Variants in CYFIP2 observed in about 807,000 individuals in gnomAD.
CYFIP2 encodes cytoplasmic FMR1 interacting protein 2.
CYFIP2 carries 29 observed loss-of-function variants against 158.7 expected under a neutral mutation model. That is an observed-to-expected ratio of 0.18 (90% CI 0.14 to 0.25). The LOEUF is 0.25. Ranked by LOEUF, CYFIP2 falls within the 10% of genes least tolerant of loss-of-function variation. The probability of loss-of-function intolerance (pLI) is 1.00; values close to 1 mark genes in which losing one functional copy is unlikely to be tolerated. For missense variants in CYFIP2, 852 were observed against 1,639.5 expected, an observed-to-expected ratio of 0.52 and a Z score of 8.29; for synonymous variants, 585 against 617.6, an observed-to-expected ratio of 0.95 and a Z score of 0.78.
In CYFIP2 at chr5:157,326,407, G is replaced by A. The variant is rs967327807; in HGVS notation, c.2079+140G>A. 5 of 734,752 alleles carry A rather than the reference G, an allele frequency of 6.8e-6. No homozygotes were observed. In the African/African-American group the frequency reaches 7.0e-5, roughly 10 times the overall value. 45.5% of individuals were successfully genotyped at this position (734,752 alleles called of 1,614,324 possible). ...TCTCTGTAACCATGGCCATCAGAAGGCCTGTGTAACCTCTGAGGGCAGAAG... is the reference window on the plus strand; with the variant it reads ...TCTCTGTAACCATGGCCATCAGAAGACCTGTGTAACCTCTGAGGGCAGAAG... On this transcript the variant is annotated intron_variant, in intron 18 of 30. Coordinates refer to ENST00000620254, the MANE Select transcript of CYFIP2 (RefSeq NM_001037333.3).
At chr5:157,322,934 T>C (rs1760722820) in intron 15 of CYFIP2, 2 of 1,535,882 alleles carry the variant, frequency 1.3e-6, no homozygotes, top group East Asian at 4.9e-5. Context: ...CTCCTATCTA[T>C]GTCTTAGGCC....
At chr5:157,282,102 A>G (rs1270777961) in intron 1 of CYFIP2, among the ~76,000 whole-genome samples, 2 of 152,210 alleles carry the variant, frequency 1.3e-5, no homozygotes, top group African/African-American at 4.8e-5. Context: ...TTGCACTGCT[A>G]TAAAGAAATA....
rs1439960066 is a variant in CYFIP2, at chr5:157,311,070, G to A, written c.993-594G>A. The A allele has an allele frequency of 4.6e-6, 2 of 431,902 alleles. No individual in the cohort carries two copies. Among genetic ancestry groups the A allele is most frequent in the African/African-American group, 4.5e-5 (2 of 44,186 alleles). The allele number at this position is 431,902 out of a possible 1,614,324, so 26.8% of individuals were successfully genotyped here. On this transcript the variant is annotated intron_variant, in intron 10 of 30. Coordinates refer to ENST00000620254, the MANE Select transcript of CYFIP2 (RefSeq NM_001037333.3). The surrounding 1 kb of genome is among the most constrained non-coding windows in gnomAD (Gnocchi z 4.7). ...GCGGAGGGAAGGAGGAAAGAGGGTG[G>A]AAAGAGAAGGAGAGAAGGGGGCGAG...
At chr5:157,306,106 C>T (rs912405791) in intron 8 of CYFIP2, among the ~76,000 whole-genome samples, 1 of 152,210 alleles carries the variant, frequency 6.6e-6, no homozygotes, top group African/African-American at 2.4e-5. Flanking sequence ...TGTCCCAGAT[C>T]CTCACCTCTC....
intron 23 of CYFIP2, among the ~76,000 whole-genome samples, chr5:157,348,505 G>A (rs375533291): frequency 2.6e-5 from 4 of 152,224 alleles, no homozygotes; most frequent in East Asian, 3.9e-4. Flanking sequence ...TCTGCCTCCC[G>A]GGTTCCAGTG....
intron 7 of CYFIP2, 148 bp from the exon 8 acceptor site, chr5:157,304,090 C>G: frequency 1.0e-6 from 1 of 971,630 alleles, no homozygotes; most frequent in Non-Finnish European, 1.5e-6. Flanking sequence ...CATCAGGTGC[C>G]AGCTGGCATG....
intron 15 of CYFIP2, among the ~76,000 whole-genome samples, chr5:157,322,202 C>T (rs1760652963): frequency 6.6e-6 from 1 of 152,152 alleles, no homozygotes; most frequent in Non-Finnish European, 1.5e-5. Context: ...CTCCCCCTCT[C>T]TTGCGGATGG....
intron 1 of CYFIP2, among the ~76,000 whole-genome samples, chr5:157,273,924 C>T (rs1756322983): frequency 1.3e-5 from 2 of 152,178 alleles, no homozygotes; most frequent in South Asian, 2.1e-4. Context: ...CACCTGAGGT[C>T]AGGAGTTTGA....
chr5:157,386,753 C>T (rs1290295758), intron 28 of CYFIP2, among the ~76,000 whole-genome samples: 1 of 152,064 alleles, frequency 6.6e-6, no homozygotes, highest in Admixed American at 6.5e-5. Flanking sequence ...AACCCCATCT[C>T]TACTAAAAAT....
At chr5:157,287,178 C>T (rs1052078915) in intron 3 of CYFIP2, 70 bp downstream of exon 3, 9 of 1,251,864 alleles carry the variant, frequency 7.2e-6, no homozygotes, top group Admixed American at 3.6e-5. Flanking sequence ...GGCAGCTTCT[C>T]ACACCAGAGG....
chr5:157,355,457 A>G (rs1480521066), intron 23 of CYFIP2, among the ~76,000 whole-genome samples: 1 of 152,222 alleles, frequency 6.6e-6, no homozygotes, highest in African/African-American at 2.4e-5. Context: ...TTAAACCTCA[A>G]ACAACCCTAT....
intron 26 of CYFIP2, chr5:157,365,347 TA>T (rs926641444): frequency 4.6e-5 from 7 of 152,204 alleles, no homozygotes; most frequent in African/African-American, 1.4e-4. Flanking sequence ...TGCCTTTTTT[TA>T]AAAAACAGAT....
At chr5:157,342,806 G>A (rs911628481) in intron 23 of CYFIP2, 12 of 1,512,432 alleles carry the variant, frequency 7.9e-6, no homozygotes, top group Admixed American at 4.0e-5. Flanking sequence ...TTGTACAAAC[G>A]ACCTACTGTG....
chr5:157,278,784 T>C (rs1756762224), intron 1 of CYFIP2, among the ~76,000 whole-genome samples: 1 of 152,214 alleles, frequency 6.6e-6, no homozygotes, highest in African/African-American at 2.4e-5. Context: ...GGGAGGCCAT[T>C]GTTTAAGACT....
rs575006908 is a variant in CYFIP2 at position 157,361,688 on chromosome 5, T to A, written c.3039+90T>A. The A allele has an allele frequency of 2.6e-6, 4 of 1,522,700 alleles. No homozygotes were observed. In the South Asian group the frequency reaches 4.7e-5, roughly 18 times the overall value. The allele number at this position is 1,522,700 out of a possible 1,614,324, so 94.3% of individuals were successfully genotyped here. A position where few individuals can be genotyped will look rare whatever the true frequency, so the allele number is the denominator to read the frequency against. On this transcript the variant is annotated intron_variant, in intron 26 of 30. Transcript: ENST00000620254. This position sits in a 1 kb window ranked among gnomAD's most constrained non-coding sequence, Gnocchi z 4.4. ...ATATTGAGGCTCCTGCAGCATTGAT[T>A]TGTGCTTTGAGTACAAGCTCACATG...
chr5:157,308,187 C>T (rs575620224), intron 9 of CYFIP2, among the ~76,000 whole-genome samples: 2 of 151,354 alleles, frequency 1.3e-5, no homozygotes, highest in African/African-American at 4.9e-5. Context: ...TCCTGAAGTC[C>T]CTTGTCACTT....
At chr5:157,279,078 G>A (rs1756783350) in intron 1 of CYFIP2, among the ~76,000 whole-genome samples, 1 of 152,136 alleles carries the variant, frequency 6.6e-6, no homozygotes, top group Admixed American at 6.5e-5. Flanking sequence ...CACAAATTAA[G>A]GACAATTAAT....
At position 157,361,957 on chromosome 5, in the gene CYFIP2, CT is replaced by C. The variant is rs1477889619; in HGVS notation, c.3039+360del. On this transcript the variant is annotated intron_variant, in intron 26 of 30. Coordinates refer to ENST00000620254, the MANE Select transcript of CYFIP2 (RefSeq NM_001037333.3). The surrounding 1 kb of genome is among the most constrained non-coding windows in gnomAD (Gnocchi z 4.4). Reference sequence around the variant, plus strand: ...GCAGTTCTCTCTTAACACCCCACCTCTCCAATGGCTTGCAAACAAGGGTTTT... The same window carrying C: ...GCAGTTCTCTCTTAACACCCCACCTCCCAATGGCTTGCAAACAAGGGTTTT... Among the ~76,000 whole-genome samples the C allele has an allele frequency of 6.6e-6, 1 of 152,200 alleles. No homozygotes were observed. Among genetic ancestry groups the C allele is most frequent in the Non-Finnish European group, 1.5e-5 (1 of 68,038 alleles).
At chr5:157,333,936 A>G (rs368331319) in intron 21 of CYFIP2, among the ~76,000 whole-genome samples, 21 of 152,206 alleles carry the variant, frequency 1.4e-4, no homozygotes, top group African/African-American at 5.1e-4. Flanking sequence ...ACAAGCCTGG[A>G]ATAGGCCTAC....
Sources: gnomAD v4.1 joint callset for allele counts (sites outside exome capture counted in the v4.1 genomes callset) on GRCh38, gnomAD v4.1.1 for gene constraint, Gnocchi (gnomAD v3.1) non-coding constraint, MANE v1.5 for transcripts, NCBI Gene and HGNC (gene_info 2026-07-23, HGNC 2026-07-21) for gene names.